Variants in CACNA2D3 observed in about 807,000 individuals in gnomAD.
CACNA2D3 encodes the protein calcium voltage-gated channel auxiliary subunit alpha2delta 3.
CACNA2D3 carries 60 observed loss-of-function variants against 160.6 expected under a neutral mutation model. The ratio of observed to expected loss-of-function variants is 0.37; its 90% CI spans 0.30 to 0.46. The LOEUF is 0.46. CACNA2D3 is among the 20% of genes least tolerant of loss of function. CACNA2D3 has a pLI of 1.00. For missense variants in CACNA2D3, 1,205 were observed against 1,365.0 expected (o/e 0.88, Z 1.85); for synonymous variants, 558 against 492.9 (o/e 1.13, Z -1.75).
At chr3:54,569,710 C>A in intron 6 of CACNA2D3, 85 bp from the exon 7 acceptor site, 1 of 1,114,238 alleles carries the variant, frequency 9.0e-7, no homozygotes, top group Non-Finnish European at 1.3e-6. Flanking sequence ...CCTGTCCATT[C>A]AATCAGCAAA....
intron 2 of CACNA2D3, among the ~76,000 whole-genome samples, chr3:54,290,814 A>T (rs548953216): frequency 4.5e-4 from 68 of 152,128 alleles, no homozygotes; most frequent in Non-Finnish European, 8.2e-4. Context: ...CAAGGATAAA[A>T]AACCAAACAC....
intron 4 of CACNA2D3, among the ~76,000 whole-genome samples, chr3:54,402,201 CAA>C (rs950096068): frequency 5.1e-4 from 77 of 151,098 alleles, no homozygotes; most frequent in South Asian, 2.1e-4. Flanking sequence ...AGATAAAAAA[CAA>C]GAGAGGGAGA....
At chr3:54,225,984 G>A (rs964869754) in intron 2 of CACNA2D3, among the ~76,000 whole-genome samples, 2 of 152,080 alleles carry the variant, frequency 1.3e-5, no homozygotes, top group African/African-American at 4.8e-5. Flanking sequence ...AGGAGCCTGG[G>A]TGTCAGTCTT....
intron 5 of CACNA2D3, among the ~76,000 whole-genome samples, chr3:54,508,800 A>C (rs1575494932): frequency 6.6e-6 from 1 of 152,176 alleles, no homozygotes; most frequent in Admixed American, 6.5e-5. Flanking sequence ...GCAAAGCTAC[A>C]TTGTGCTCAG....
At chr3:54,387,495 T>TA (rs1295810892) in intron 4 of CACNA2D3, among the ~76,000 whole-genome samples, 2 of 152,160 alleles carry the variant, frequency 1.3e-5, no homozygotes, top group Middle Eastern at 3.4e-3. Context: ...CTACTAAAAA[T>TA]ACAAAAATTA....
intron 11 of CACNA2D3, among the ~76,000 whole-genome samples, chr3:54,658,206 G>A (rs1332463838): frequency 6.6e-6 from 1 of 152,130 alleles, no homozygotes; most frequent in Non-Finnish European, 1.5e-5. Context: ...CCAAGAAGTG[G>A]GATTGCTGGA....
At chr3:54,485,214 G>A (rs6807093) in intron 4 of CACNA2D3, among the ~76,000 whole-genome samples, 1 of 152,194 alleles carries the variant, frequency 6.6e-6, no homozygotes, top group East Asian at 1.9e-4. Context: ...TGGATTTGCC[G>A]TAGAATCAGG....
chr3:54,356,956 A>G (rs1375795830), intron 3 of CACNA2D3, among the ~76,000 whole-genome samples: 2 of 152,094 alleles, frequency 1.3e-5, no homozygotes, highest in African/African-American at 4.8e-5. Context: ...CAGTTGCATG[A>G]AGCTTACTTA....
At chr3:54,124,166 C>T (rs550240635) in intron 2 of CACNA2D3, among the ~76,000 whole-genome samples, 1 of 152,282 alleles carries the variant, frequency 6.6e-6, no homozygotes, top group African/African-American at 2.4e-5. Flanking sequence ...CGGGTAATAA[C>T]CTATGAGAGT....
chr3:54,440,973 A>G (rs1201588878), intron 4 of CACNA2D3, among the ~76,000 whole-genome samples: 1 of 152,160 alleles, frequency 6.6e-6, no homozygotes, highest in Non-Finnish European at 1.5e-5. Context: ...TTATAGCAGC[A>G]TGATTTATAG....
At chr3:54,188,134 T>C (rs1700909620) in intron 2 of CACNA2D3, among the ~76,000 whole-genome samples, 1 of 152,188 alleles carries the variant, frequency 6.6e-6, no homozygotes, top group African/African-American at 2.4e-5. Flanking sequence ...TACACAGAAC[T>C]CATTGTATAG....
At chr3:54,597,979 C>T (rs140170048) in intron 9 of CACNA2D3, among the ~76,000 whole-genome samples, 1 of 151,990 alleles carries the variant, frequency 6.6e-6, no homozygotes, top group African/African-American at 2.4e-5. Flanking sequence ...CCTTTCCCAT[C>T]CATAGAGCGA....
chr3:54,949,879 A>G (rs1474180718), intron 27 of CACNA2D3, among the ~76,000 whole-genome samples: 5 of 152,206 alleles, frequency 3.3e-5, no homozygotes, highest in Non-Finnish European at 5.9e-5. Flanking sequence ...GGTAGAAGTA[A>G]TTATTTTTAT....
intron 2 of CACNA2D3, among the ~76,000 whole-genome samples, chr3:54,134,221 G>A (rs1046651840): frequency 4.6e-5 from 7 of 152,088 alleles, no homozygotes; most frequent in African/African-American, 7.2e-5. Context: ...CTGTGCCTTC[G>A]GCAGGTCTGG....
At position 54,443,963 on chromosome 3, in the gene CACNA2D3, C is replaced by T. The variant is rs78984769; in HGVS notation, c.381+57189C>T. Among the ~76,000 whole-genome samples, 566 of 152,278 alleles carry T rather than the reference C, an allele frequency of 3.7e-3. 20 individuals carry two copies. The East Asian group carries it at 0.073, about 20-fold the overall frequency. ...GATTCTCTTTGCTTCTGGACTTCCT[C>T]ATTGTGTTGCTCAACATTTGCAGCG... On this transcript the variant is annotated intron_variant, in intron 4 of 37. Transcript: ENST00000474759.
intron 11 of CACNA2D3, among the ~76,000 whole-genome samples, chr3:54,696,546 G>T (rs1559552184): frequency 6.6e-6 from 1 of 152,126 alleles, no homozygotes. Flanking sequence ...TCAGCAGAGG[G>T]GTGTGTGGTC....
intron 35 of CACNA2D3, among the ~76,000 whole-genome samples, chr3:55,043,404 G>A (rs1043129051): frequency 1.4e-5 from 2 of 146,844 alleles, no homozygotes; most frequent in Non-Finnish European, 3.0e-5. Context: ...CTTCCATGAC[G>A]AATAATGATT....
At chr3:54,239,609 G>A (rs1701940939) in intron 2 of CACNA2D3, among the ~76,000 whole-genome samples, 1 of 152,204 alleles carries the variant, frequency 6.6e-6, no homozygotes, top group Non-Finnish European at 1.5e-5. Context: ...AGGGGGTTCA[G>A]GAAGAACAAA....
intron 35 of CACNA2D3, among the ~76,000 whole-genome samples, chr3:55,019,777 TTAAA>T (rs1703407773): frequency 6.6e-6 from 1 of 152,196 alleles, no homozygotes; most frequent in Non-Finnish European, 1.5e-5. Flanking sequence ...TGACACATCG[TTAAA>T]TAAAAGCGAT....
Sources: gnomAD v4.1 joint callset for allele counts (sites outside exome capture counted in the v4.1 genomes callset) on GRCh38, gnomAD v4.1.1 for gene constraint, MANE v1.5 for transcripts, NCBI Gene and HGNC (gene_info 2026-07-23, HGNC 2026-07-21) for gene names.